Variants in LEPR observed in about 807,000 individuals in gnomAD.
LEPR encodes OB receptor.
In LEPR, 56 loss-of-function variants were observed where a neutral mutation model predicts 114.7. That is an observed-to-expected ratio of 0.49 (90% CI 0.39 to 0.61). The LOEUF (loss-of-function observed/expected upper bound fraction) is 0.61. LEPR is among the 20% of genes least tolerant of loss of function. The pLI is 0.00. For synonymous variants in LEPR, 443 were observed against 461.4 expected, an observed-to-expected ratio of 0.96 and a Z score of 0.51; for missense variants, 1,202 against 1,352.9, an observed-to-expected ratio of 0.89 and a Z score of 1.75.
At chr1:65,440,108 T>G (rs1002777288) in intron 2 of LEPR, among the ~76,000 whole-genome samples, 1 of 151,834 alleles carries the variant, frequency 6.6e-6, no homozygotes, top group Non-Finnish European at 1.5e-5. Flanking sequence ...TGGTGCTATT[T>G]AAATAGGGTG....
At chr1:65,501,535 C>T (rs967666513) in intron 2 of LEPR, among the ~76,000 whole-genome samples, 7 of 151,698 alleles carry the variant, frequency 4.6e-5, no homozygotes, top group African/African-American at 1.5e-4. Flanking sequence ...ACCTCTCATC[C>T]TAATTTGATT....
intron 15 of LEPR, among the ~76,000 whole-genome samples, chr1:65,616,960 CTG>C (rs1167979684): frequency 6.6e-6 from 1 of 152,074 alleles, no homozygotes; most frequent in Non-Finnish European, 1.5e-5. Context: ...AGAGTGCTTC[CTG>C]TCTTTCTTAT....
At position 65,636,974 on chromosome 1, in the gene LEPR, CAT is replaced by C. The variant is rs1557710400; in HGVS notation, c.3459_3460del (p.His1153GlnfsTer9). 33 of 1,613,506 alleles carry C rather than the reference CAT, an allele frequency of 2.0e-5. No individual in the cohort carries two copies. Among genetic ancestry groups the C allele is most frequent in the Non-Finnish European group, 2.7e-5 (32 of 1,179,846 alleles). On this transcript the variant is annotated frameshift_variant, in exon 20 of 20. Coordinates refer to ENST00000349533, the MANE Select transcript of LEPR (RefSeq NM_002303.6). LOFTEE classifies it high-confidence loss of function. ...ATTCCAAACTTGTTCTACTCAGACT[CAT>C]AAGATCATGGAAAACAAGATGTGTG... Reference protein sequence around the residue: ...PQFQTCSTQTHKIMENKMCDL... With the variant: ...PQFQTCSTQTXKIMENKMCDL...
intron 19 of LEPR, chr1:65,635,549 A>G: frequency 4.7e-6 from 1 of 210,754 alleles, no homozygotes; most frequent in Non-Finnish European, 8.2e-6. Context: ...ATTGTTCTCT[A>G]CATATGATAT....
intron 2 of LEPR, among the ~76,000 whole-genome samples, chr1:65,466,989 TCGGGG>T (rs1647022046): frequency 1.3e-5 from 2 of 152,178 alleles, no homozygotes; most frequent in Admixed American, 1.3e-4. Context: ...CTGCTTTAGC[TCGGGG>T]AAGTTTGTTA....
At chr1:65,464,486 C>CT (rs1288318650) in intron 2 of LEPR, among the ~76,000 whole-genome samples, 1 of 152,076 alleles carries the variant, frequency 6.6e-6, no homozygotes. Flanking sequence ...CTAAAATTCT[C>CT]TTTTTTTATT....
chr1:65,433,642 A>G (rs1479180132), intron 2 of LEPR: 23 of 985,382 alleles, frequency 2.3e-5, no homozygotes, highest in Middle Eastern at 5.2e-4. Flanking sequence ...CTTGTTCATG[A>G]TTTTATGTTT....
intron 14 of LEPR, among the ~76,000 whole-genome samples, chr1:65,613,932 A>T (rs943824505): frequency 2.6e-5 from 4 of 152,162 alleles, no homozygotes; most frequent in African/African-American, 9.6e-5. Flanking sequence ...AATCCAAAAA[A>T]AAAACCTGAC....
chr1:65,531,273 C>T (rs1462833991), intron 2 of LEPR, among the ~76,000 whole-genome samples: 7 of 152,196 alleles, frequency 4.6e-5, no homozygotes, highest in Admixed American at 4.6e-4. Flanking sequence ...CTCCAGATTT[C>T]CACATGGTTC....
chr1:65,536,293 G>T (rs1006682030), intron 2 of LEPR, among the ~76,000 whole-genome samples: 16 of 152,118 alleles, frequency 1.1e-4, no homozygotes, highest in African/African-American at 3.4e-4. Context: ...ATCTCTGCAT[G>T]CTGGCTTCCT....
chr1:65,571,396 A>G (rs921470768), intron 4 of LEPR, among the ~76,000 whole-genome samples: 3 of 152,128 alleles, frequency 2.0e-5, no homozygotes, highest in Non-Finnish European at 2.9e-5. Context: ...TTGTTTAAGT[A>G]TAATGCATAC....
chr1:65,514,355 C>T (rs1340467852), intron 2 of LEPR, among the ~76,000 whole-genome samples: 1 of 152,200 alleles, frequency 6.6e-6, no homozygotes, highest in African/African-American at 2.4e-5. Context: ...AGTAACTGGG[C>T]AGCCCCAGGC....
At chr1:65,571,590 T>G (rs761828641) in intron 4 of LEPR, among the ~76,000 whole-genome samples, 1 of 150,128 alleles carries the variant, frequency 6.7e-6, no homozygotes, top group Non-Finnish European at 1.5e-5. Flanking sequence ...GGTTTTCACA[T>G]GTATGAGTGA....
intron 5 of LEPR, among the ~76,000 whole-genome samples, chr1:65,575,835 C>T (rs1654546785): frequency 6.6e-6 from 1 of 151,342 alleles, no homozygotes; most frequent in African/African-American, 2.5e-5. Context: ...TTCTGATTTC[C>T]TTCTATAAGC....
Position 65,518,922 on chromosome 1 carries a change from T to TC in LEPR, c.-20-46624_-20-46623insC, listed in dbSNP as rs1326059812. Among the ~76,000 whole-genome samples the TC allele has an allele frequency of 1.7e-4, 19 of 115,144 alleles. 1 individual carries two copies. The highest frequency in any genetic ancestry group is 7.2e-4 in the African/African-American group (19 of 26,276). 75.5% of individuals were successfully genotyped at this position (115,144 alleles called of 152,430 possible). A position where few individuals can be genotyped will look rare whatever the true frequency, so the allele number is the denominator to read the frequency against. On this transcript the variant is annotated intron_variant, in intron 2 of 19. Transcript: ENST00000349533. Reference sequence around the variant, plus strand: ...CTTTCTTTCTTTCTTTCTTTCTCTCTTTCTCTGTTTCTTTCTTTCTCTTTC... The same window carrying TC: ...CTTTCTTTCTTTCTTTCTTTCTCTCTCTTCTCTGTTTCTTTCTTTCTCTTTC...
chr1:65,464,325 G>C (rs984529985), intron 2 of LEPR, among the ~76,000 whole-genome samples: 1 of 152,122 alleles, frequency 6.6e-6, no homozygotes, highest in African/African-American at 2.4e-5. Context: ...GATGGATTAC[G>C]TTTATTGATT....
chr1:65,587,830 G>A (rs896573334), intron 5 of LEPR, among the ~76,000 whole-genome samples: 3 of 152,002 alleles, frequency 2.0e-5, no homozygotes, highest in African/African-American at 7.2e-5. Flanking sequence ...TGCAGAGAAA[G>A]ACTAGGGTCT....
intron 17 of LEPR, 22 bp downstream of exon 17, chr1:65,620,045 T>C (rs1452258234): frequency 1.3e-6 from 2 of 1,553,930 alleles, no homozygotes; most frequent in Non-Finnish European, 1.8e-6. Flanking sequence ...AATTTTAGTT[T>C]CCTTTTACAC....
At chr1:65,627,019 C>T (rs564045914) in intron 19 of LEPR, among the ~76,000 whole-genome samples, 1 of 152,188 alleles carries the variant, frequency 6.6e-6, no homozygotes, top group East Asian at 1.9e-4. Flanking sequence ...TACCATCCAC[C>T]CTATGTTTCA....
Sources: allele counts gnomAD v4.1 joint callset (sites outside exome capture counted in the v4.1 genomes callset), GRCh38; gene constraint gnomAD v4.1.1; transcripts MANE v1.5; gene names NCBI Gene and HGNC (gene_info 2026-07-23, HGNC 2026-07-21).